The following NOX4 variants were observed in gnomAD, a reference collection of about 807,000 sequenced individuals.
The protein encoded by NOX4 is NADPH oxidase 4.
A neutral mutation model predicts 87.6 loss-of-function variants in NOX4; 69 were observed. That is an observed-to-expected ratio of 0.79 (90% confidence interval 0.65 to 0.96). NOX4 has a LOEUF of 0.96. Ranked by LOEUF, NOX4 falls within the 40% of genes least tolerant of loss-of-function variation. The probability of loss-of-function intolerance (pLI) is 0.00; values close to 1 mark genes in which losing one functional copy is unlikely to be tolerated. For missense variants in NOX4, 680 were observed against 681.5 expected, an observed-to-expected ratio of 1.00 and a Z score of 0.02; for synonymous variants, 275 against 238.2, an observed-to-expected ratio of 1.15 and a Z score of -1.42.
At chr11:89,329,773 T>C (rs1363111898) in intron 17 of NOX4, among the ~76,000 whole-genome samples, 2 of 151,890 alleles carry the variant, frequency 1.3e-5, no homozygotes, top group African/African-American at 2.4e-5. Flanking sequence ...ACAAGCAAAT[T>C]TGATGCCAAA....
At chr11:89,485,990 G>A (rs1946573713) in intron 2 of NOX4, among the ~76,000 whole-genome samples, 1 of 151,990 alleles carries the variant, frequency 6.6e-6, no homozygotes, top group East Asian at 1.9e-4. Context: ...TCTGGGGAAG[G>A]ATAATCATGA....
chr11:89,530,097 A>G, the NOX4 span, among the ~76,000 whole-genome samples: 1 of 152,184 alleles, frequency 6.6e-6, no homozygotes, highest in South Asian at 2.1e-4. Context: ...ATTACAAATA[A>G]AAAACAGATC....
intron 8 of NOX4, among the ~76,000 whole-genome samples, chr11:89,406,163 T>C (rs1208474623): frequency 1.3e-5 from 2 of 152,114 alleles, no homozygotes. Context: ...AGAATTCTTA[T>C]ATTTGAAGGC....
chr11:89,371,155 G>T (rs1406540094), intron 12 of NOX4, among the ~76,000 whole-genome samples: 1 of 151,898 alleles, frequency 6.6e-6, no homozygotes, highest in East Asian at 1.9e-4. Context: ...TTCAATAGTT[G>T]TAATCTCATT....
chr11:89,532,047 T>C, the NOX4 span, among the ~76,000 whole-genome samples: 1 of 152,134 alleles, frequency 6.6e-6, no homozygotes, highest in Non-Finnish European at 1.5e-5. Flanking sequence ...AGAGGATACA[T>C]GGAAATGCCT....
the NOX4 span, among the ~76,000 whole-genome samples, chr11:89,516,793 C>G: frequency 4.1e-4 from 62 of 152,152 alleles, no homozygotes; most frequent in African/African-American, 1.4e-3. Flanking sequence ...GTCATAAACA[C>G]AATTCTTTGG....
At chr11:89,458,049 A>T (rs1467136260) in intron 2 of NOX4, among the ~76,000 whole-genome samples, 1 of 139,746 alleles carries the variant, frequency 7.2e-6, no homozygotes, top group East Asian at 1.9e-4. Context: ...CAGAATTAGA[A>T]AAAAAACTAT....
chr11:89,438,414 ATATAAT>A (rs1475906630), intron 6 of NOX4, among the ~76,000 whole-genome samples: 6 of 111,616 alleles, frequency 5.4e-5, no homozygotes, highest in Non-Finnish European at 9.9e-5. Flanking sequence ...AATATATAAT[ATATAAT>A]TATAATATAA....
chr11:89,405,030 G>C (rs1002205094), intron 8 of NOX4, among the ~76,000 whole-genome samples: 1 of 150,734 alleles, frequency 6.6e-6, no homozygotes, highest in Non-Finnish European at 1.5e-5. Flanking sequence ...AAATCAGATG[G>C]TTAAATAGGT....
intron 15 of NOX4, among the ~76,000 whole-genome samples, chr11:89,337,745 T>C (rs980346875): frequency 2.0e-5 from 3 of 152,042 alleles, no homozygotes; most frequent in Admixed American, 2.0e-4. Context: ...GTGGTAGTGG[T>C]AGGGAATAAT....
the NOX4 span, among the ~76,000 whole-genome samples, chr11:89,511,272 C>T: frequency 2.0e-5 from 3 of 151,826 alleles, no homozygotes; most frequent in Non-Finnish European, 2.9e-5. Flanking sequence ...CTATTCTTTT[C>T]GCAATTTTGG....
intron 12 of NOX4, among the ~76,000 whole-genome samples, chr11:89,359,745 C>A (rs542483355): frequency 6.6e-6 from 1 of 151,808 alleles, no homozygotes; most frequent in Non-Finnish European, 1.5e-5. Context: ...TCCCTAACTG[C>A]CTCTCTATAA....
intron 8 of NOX4, among the ~76,000 whole-genome samples, chr11:89,407,807 A>T (rs1942268376): frequency 6.6e-6 from 1 of 150,762 alleles, no homozygotes; most frequent in Admixed American, 6.7e-5. Flanking sequence ...AAAATACCAC[A>T]CCTGACAAAA....
chr11:89,523,434 C>T, the NOX4 span, among the ~76,000 whole-genome samples: 1 of 152,160 alleles, frequency 6.6e-6, no homozygotes, highest in South Asian at 2.1e-4. Context: ...GTAAAGTAGT[C>T]TGAGGGTGAA....
intron 8 of NOX4, among the ~76,000 whole-genome samples, chr11:89,416,948 AT>A (rs534717087): frequency 3.3e-4 from 51 of 152,300 alleles, no homozygotes; most frequent in Admixed American, 2.5e-3. Flanking sequence ...GCACAAAAAA[AT>A]ATTTACACTT....
At chr11:89,565,631 T>C in the NOX4 span, among the ~76,000 whole-genome samples, 1 of 152,052 alleles carries the variant, frequency 6.6e-6, no homozygotes, top group Non-Finnish European at 1.5e-5. Context: ...AATCCTTCTA[T>C]TAGATAAGAA....
intron 8 of NOX4, among the ~76,000 whole-genome samples, chr11:89,410,111 A>AT (rs1591153975): frequency 6.6e-6 from 1 of 152,078 alleles, no homozygotes; most frequent in East Asian, 1.9e-4. Flanking sequence ...TTTCTTTCAG[A>AT]TTTTTTAGCC....
intron 6 of NOX4, among the ~76,000 whole-genome samples, chr11:89,434,529 A>G (rs1400636022): frequency 6.6e-6 from 1 of 152,046 alleles, no homozygotes; most frequent in Non-Finnish European, 1.5e-5. Flanking sequence ...GTTCACTCTA[A>G]AGAACTAGCA....
rs191713494 is a variant in NOX4, at chr11:89,404,708, A to G, written c.630-2166T>C. On this transcript the variant is annotated intron_variant, in intron 8 of 17. Coordinates refer to ENST00000263317, the MANE Select transcript of NOX4 (RefSeq NM_016931.5). ...CAAGATTTGAATTCAGATCTGATTC[A>G]AATTCTATGCTCTTCACCTCTCATG... is the stretch of plus-strand genomic sequence containing the variant. 1.8e-3 allele frequency among the ~76,000 whole-genome samples: 277 copies of G among 152,230 alleles called. 2 individuals carry two copies. The highest frequency in any genetic ancestry group is 6.5e-3 in the African/African-American group (269 of 41,558).
Sources: allele counts gnomAD v4.1 joint callset (sites outside exome capture counted in the v4.1 genomes callset), GRCh38; gene constraint gnomAD v4.1.1; transcripts MANE v1.5; gene names NCBI Gene and HGNC (gene_info 2026-07-23, HGNC 2026-07-21).